The following SEMA3C variants were observed in gnomAD, a reference collection of about 807,000 sequenced individuals.
SEMA3C encodes semaphorin 3C.
SEMA3C carries 47 observed loss-of-function variants against 89.4 expected under a neutral mutation model. The observed-to-expected ratio is 0.53, with a 90% CI of 0.42 to 0.67. The LOEUF is 0.67. Among genes scored for constraint, SEMA3C ranks in the 30% least tolerant of loss-of-function variants. The pLI is 0.00. For missense variants in SEMA3C, 839 were observed against 929.1 expected (o/e 0.90, Z 1.26); for synonymous variants, 310 against 320.2 (o/e 0.97, Z 0.34).
Position 80,916,831 on chromosome 7 carries a change from A to G in SEMA3C, c.-38-12T>C. ...CCAAGGGAAAATACCTTTAAGAGAG[A>G]GACAACATGTTTGTTATATCTCATT... On this transcript the variant is annotated splice_polypyrimidine_tract_variant and intron_variant, in intron 1 of 17. Coordinates refer to ENST00000265361, the MANE Select transcript of SEMA3C (RefSeq NM_006379.5). The G allele has an allele frequency of 6.2e-7, 1 of 1,605,968 alleles. No homozygotes were observed. The highest frequency in any genetic ancestry group is 8.5e-7 in the Non-Finnish European group (1 of 1,176,752).
At chr7:80,783,170 T>C (rs576745874) in intron 12 of SEMA3C, among the ~76,000 whole-genome samples, 1 of 152,320 alleles carries the variant, frequency 6.6e-6, no homozygotes, top group Non-Finnish European at 1.5e-5. Context: ...AGCAATGAGC[T>C]GTATTTTTAT....
At chr7:80,887,468 TA>T (rs1358487638) in intron 2 of SEMA3C, among the ~76,000 whole-genome samples, 1 of 152,184 alleles carries the variant, frequency 6.6e-6, no homozygotes, top group African/African-American at 2.4e-5. Context: ...GCAGAAAGAT[TA>T]AATCAATGAT....
At chr7:80,821,563 G>T (rs1789748015) in intron 4 of SEMA3C, among the ~76,000 whole-genome samples, 1 of 152,188 alleles carries the variant, frequency 6.6e-6, no homozygotes, top group Non-Finnish European at 1.5e-5. Flanking sequence ...GGGACTACAG[G>T]CATGTGCCAC....
At chr7:80,840,248 G>A (rs1251305495) in intron 2 of SEMA3C, among the ~76,000 whole-genome samples, 3 of 152,004 alleles carry the variant, frequency 2.0e-5, no homozygotes, top group African/African-American at 7.2e-5. Context: ...GGCCAGGTGT[G>A]GTAGCTCATG....
Position 80,828,650 on chromosome 7 carries a change from A to G in SEMA3C, c.199T>C (p.Tyr67His), listed in dbSNP as rs756664340. 1.9e-6 allele frequency: 3 copies of G among 1,612,222 alleles called. No individual in the cohort carries two copies. Among genetic ancestry groups the G allele is most frequent in the South Asian group, 2.2e-5 (2 of 90,922 alleles). ...AGAATGTGATCTTTGCTTCCCACATATATCCGGTCCTGATCTTCATCCATT... is the reference window on the plus strand; with the variant it reads ...AGAATGTGATCTTTGCTTCCCACATGTATCCGGTCCTGATCTTCATCCATT... ...LLMDEDQDRIYVGSKDHILSL... is the reference protein window; with the variant it reads ...LLMDEDQDRIHVGSKDHILSL... The change falls in exon 3 of 18, where the codon TAT (tyrosine) becomes CAT (histidine). Residue 67 changes from tyrosine (Y) to histidine (H), a missense_variant. Physicochemically the swap from Tyr to His is moderately conservative, Grantham distance 83. Transcript: ENST00000265361.
At chr7:80,808,249 T>C (rs1314328463) in intron 6 of SEMA3C, among the ~76,000 whole-genome samples, 2 of 152,318 alleles carry the variant, frequency 1.3e-5, no homozygotes, top group East Asian at 1.9e-4. Context: ...GTAGCAGCTA[T>C]GTGAACAGAT....
rs114427681 is a variant in SEMA3C at position 80,868,207 on chromosome 7, A to G, written c.104-39462T>C. On this transcript the variant is annotated intron_variant, in intron 2 of 17. Coordinates refer to ENST00000265361, the MANE Select transcript of SEMA3C (RefSeq NM_006379.5). ...AAAATAATGGCAGACTTGAGAAAGC[A>G]TGAAGAATATATTCCTTTCCTTCAT... Among the ~76,000 whole-genome samples, 711 of 152,310 alleles carry G rather than the reference A, an allele frequency of 4.7e-3. 7 individuals are homozygous for G. The highest frequency in any genetic ancestry group is 0.016 in the African/African-American group (674 of 41,578).
At chr7:80,846,560 G>A (rs1338337155) in intron 2 of SEMA3C, among the ~76,000 whole-genome samples, 3 of 151,954 alleles carry the variant, frequency 2.0e-5, no homozygotes, top group Non-Finnish European at 4.4e-5. Context: ...AGAACTCTTG[G>A]CCTCAAGTAA....
At chr7:80,897,758 TTAAAGC>T (rs1791775065) in intron 2 of SEMA3C, among the ~76,000 whole-genome samples, 1 of 152,210 alleles carries the variant, frequency 6.6e-6, no homozygotes, top group African/African-American at 2.4e-5. Context: ...ATTTAAAAGA[TTAAAGC>T]TACTGTTCAG....
intron 2 of SEMA3C, chr7:80,847,113 T>C (rs1790408731): frequency 6.6e-6 from 1 of 152,218 alleles, no homozygotes; most frequent in African/African-American, 2.4e-5. Flanking sequence ...TGGAAGGCTG[T>C]GCCTGTTCAA....
rs1190810361 is a variant in SEMA3C at position 80,899,109 on chromosome 7, C to T, written c.103+17570G>A. 7.2e-5 allele frequency among the ~76,000 whole-genome samples: 11 copies of T among 152,262 alleles called. No homozygotes were observed. The East Asian group carries it at 1.5e-3, about 21-fold the overall frequency. On this transcript the variant is annotated intron_variant, in intron 2 of 17. Coordinates refer to ENST00000265361, the MANE Select transcript of SEMA3C (RefSeq NM_006379.5). ...AGGCTGAAGTGCAGTGGCATGATCT[C>T]GGCTCACTGCAACCTCCGCCGCCCG...
intron 13 of SEMA3C, among the ~76,000 whole-genome samples, chr7:80,762,901 A>C (rs1788217790): frequency 6.6e-6 from 1 of 152,200 alleles, no homozygotes. Flanking sequence ...CAAGCTCTCA[A>C]AATCAAATGT....
At chr7:80,745,348 A>AT in intron 17 of SEMA3C, 41 bp from the exon 18 acceptor site, 1 of 1,564,308 alleles carries the variant, frequency 6.4e-7, no homozygotes, top group Non-Finnish European at 8.7e-7. Flanking sequence ...ACTGAACATT[A>AT]TATTTCCTTA....
chr7:80,789,661 AAAAG>A (rs1381417263), intron 11 of SEMA3C, 133 bp from the exon 12 acceptor site: 1 of 635,564 alleles, frequency 1.6e-6, no homozygotes, highest in African/African-American at 1.8e-5. Flanking sequence ...TATGGAAGTG[AAAAG>A]AAATAACATG....
intron 2 of SEMA3C, among the ~76,000 whole-genome samples, chr7:80,887,055 A>G (rs1396613135): frequency 1.3e-5 from 2 of 152,204 alleles, no homozygotes; most frequent in Non-Finnish European, 2.9e-5. Context: ...AGTTCTTGAC[A>G]TACACATATA....
intron 2 of SEMA3C, among the ~76,000 whole-genome samples, chr7:80,848,264 T>C (rs1423466075): frequency 6.6e-6 from 1 of 152,228 alleles, no homozygotes; most frequent in Non-Finnish European, 1.5e-5. Flanking sequence ...TGACTGGGAC[T>C]ATGCTCCCTC....
At position 80,744,975 on chromosome 7, in the gene SEMA3C, C is replaced by T. The variant is rs750938637; in HGVS notation, c.2175G>A (p.Met725Ile). 2 of 1,614,142 alleles carry T rather than the reference C, an allele frequency of 1.2e-6. No homozygotes were observed. The highest frequency in any genetic ancestry group is 1.1e-5 in the South Asian group (1 of 91,084). ...CCTTTAACTTGCCATAGTCCCCTCT[C>T]ATTTTCTGTGATTCATCTCCCTGCT... ...QHQQGDESQK[M>I]RGDYGKLKAL... Residue 725 changes from methionine to isoleucine, a missense_variant, in exon 18 of 18, where the codon ATG becomes ATA. Physicochemically the swap from Met to Ile is conservative, Grantham distance 10 (BLOSUM62 1). Coordinates refer to ENST00000265361, the MANE Select transcript of SEMA3C (RefSeq NM_006379.5).
chr7:80,882,129 C>T (rs1326972193), intron 2 of SEMA3C, among the ~76,000 whole-genome samples: 3 of 152,164 alleles, frequency 2.0e-5, no homozygotes, highest in African/African-American at 7.2e-5. Context: ...ACTACAATCA[C>T]AGCTTATTGG....
chr7:80,855,633 C>T (rs909015311), intron 2 of SEMA3C, among the ~76,000 whole-genome samples: 4 of 152,150 alleles, frequency 2.6e-5, no homozygotes, highest in African/African-American at 9.7e-5. Context: ...AATGTGCCCA[C>T]ATTCACGGCA....
Sources: allele counts gnomAD v4.1 joint callset (sites outside exome capture counted in the v4.1 genomes callset), GRCh38; gene constraint gnomAD v4.1.1; transcripts MANE v1.5; gene names NCBI Gene and HGNC (gene_info 2026-07-23, HGNC 2026-07-21).